The following SCNN1B variants were observed in gnomAD, a reference collection of about 807,000 sequenced individuals.
SCNN1B encodes the protein sodium channel epithelial 1 subunit beta, also known as epithelial sodium channel subunit beta.
A neutral mutation model predicts 65.3 loss-of-function variants in SCNN1B; 46 were observed. That is an observed-to-expected ratio of 0.70 (90% CI 0.56 to 0.90). SCNN1B has a LOEUF of 0.90. Among genes scored for constraint, SCNN1B ranks in the 40% least tolerant of loss-of-function variants. The pLI is 0.00. For missense variants in SCNN1B, 751 were observed against 830.5 expected (o/e 0.90, Z 1.18); for synonymous variants, 349 against 330.6 (o/e 1.06, Z -0.60).
chr16:23,348,677 G>A lies in SCNN1B; in HGVS notation c.78G>A (p.Leu26=). The A allele has an allele frequency of 6.2e-7, 1 of 1,613,966 alleles. No homozygotes were observed. Among genetic ancestry groups the A allele is most frequent in the South Asian group, 1.1e-5 (1 of 91,058 alleles). ...CCGGCTACACGTACAAGGAGCTGCT[G>A]GTGTGGTACTGCGACAACACCAACA... ...KGPGYTYKEL[L]VWYCDNTNTH... The change falls in exon 2 of 13, where the codon CTG becomes CTA. Residue 26 remains leucine (L), a synonymous_variant. Coordinates refer to ENST00000343070, the MANE Select transcript of SCNN1B (RefSeq NM_000336.3). This position sits in a 1 kb window ranked among gnomAD's most constrained non-coding sequence, Gnocchi z 4.5.
chr16:23,316,557 T>C (rs1961471054), intron 1 of SCNN1B, among the ~76,000 whole-genome samples: 2 of 140,670 alleles, frequency 1.4e-5, no homozygotes, highest in African/African-American at 5.6e-5. Context: ...ACAACCATTA[T>C]CACCATCCTC....
intron 4 of SCNN1B, among the ~76,000 whole-genome samples, chr16:23,361,242 T>TA (rs1361033115): frequency 6.6e-6 from 1 of 152,190 alleles, no homozygotes; most frequent in East Asian, 1.9e-4. Flanking sequence ...AGAGACTTTT[T>TA]ATCGAGGAAT....
chr16:23,288,202 T>C (rs759344528), intron 2 of SCNN1B, among the ~76,000 whole-genome samples: 11 of 152,090 alleles, frequency 7.2e-5, no homozygotes, highest in Non-Finnish European at 1.2e-4. Flanking sequence ...TTTTTTTTTC[T>C]TCTTTTATTA....
chr16:23,292,783 C>A (rs1198568237), intron 2 of SCNN1B, among the ~76,000 whole-genome samples: 1 of 149,704 alleles, frequency 6.7e-6, no homozygotes, highest in Non-Finnish European at 1.5e-5. Flanking sequence ...AGATTATGGG[C>A]ATGAGCCACT....
At chr16:23,372,767 C>T (rs1012547528) in intron 7 of SCNN1B, among the ~76,000 whole-genome samples, 2 of 149,668 alleles carry the variant, frequency 1.3e-5, no homozygotes, top group African/African-American at 4.9e-5. Flanking sequence ...GCTGGGATAA[C>T]AGGCATGAGC....
chr16:23,368,034 C>A (rs1962707923), intron 5 of SCNN1B, 75 bp downstream of exon 5: 1 of 1,157,098 alleles, frequency 8.6e-7, no homozygotes, highest in Non-Finnish European at 1.3e-6. Flanking sequence ...GAAAGACCAT[C>A]AGCTGTTGCA....
At chr16:23,366,627 A>T (rs1190141347) in intron 4 of SCNN1B, among the ~76,000 whole-genome samples, 1 of 151,994 alleles carries the variant, frequency 6.6e-6, no homozygotes, top group Admixed American at 6.6e-5. Flanking sequence ...CCAGCTACTC[A>T]GGAGGCTGAG....
At chr16:23,302,983 G>A (rs1961118216) in intron 1 of SCNN1B, among the ~76,000 whole-genome samples, 1 of 152,154 alleles carries the variant, frequency 6.6e-6, no homozygotes, top group Non-Finnish European at 1.5e-5. Context: ...CAGGCAGTCC[G>A]ACCCTGGAGC....
chr16:23,359,382 C>A (rs1372715661), intron 4 of SCNN1B: 1 of 152,340 alleles, frequency 6.6e-6, no homozygotes, highest in Non-Finnish European at 1.5e-5. Context: ...CCCTCCCTAC[C>A]CACCTCTCCC....
intron 2 of SCNN1B, among the ~76,000 whole-genome samples, chr16:23,286,568 G>A (rs899202335): frequency 3.3e-5 from 5 of 152,210 alleles, no homozygotes; most frequent in African/African-American, 9.6e-5. Flanking sequence ...TGCCGATAAC[G>A]TGTAGCCAAA....
intron 1 of SCNN1B, among the ~76,000 whole-genome samples, chr16:23,330,676 G>C (rs945919930): frequency 6.6e-5 from 10 of 152,112 alleles, no homozygotes; most frequent in African/African-American, 1.9e-4. Context: ...GGGCTTAAGT[G>C]ATCCTCCCTC....
upstream of SCNN1B, among the ~76,000 whole-genome samples, chr16:23,298,916 T>G (rs1285506523): frequency 6.6e-6 from 1 of 152,160 alleles, no homozygotes; most frequent in African/African-American, 2.4e-5. Context: ...TGTATAAAGC[T>G]GGTCACAACA....
At chr16:23,291,264 T>C (rs1960920554) in intron 2 of SCNN1B, among the ~76,000 whole-genome samples, 2 of 152,080 alleles carry the variant, frequency 1.3e-5, no homozygotes, top group Non-Finnish European at 2.9e-5. Flanking sequence ...GGTTTCACCA[T>C]GTTGGTCAAG....
intron 5 of SCNN1B, among the ~76,000 whole-genome samples, chr16:23,371,020 C>T (rs1962770957): frequency 1.3e-5 from 2 of 152,194 alleles, no homozygotes; most frequent in Admixed American, 6.5e-5. Context: ...GGGCCGTGGC[C>T]ATGCTATGCC....
chr16:23,351,918 G>A (rs928098883), intron 2 of SCNN1B, among the ~76,000 whole-genome samples: 1 of 152,166 alleles, frequency 6.6e-6, no homozygotes, highest in Non-Finnish European at 1.5e-5. Flanking sequence ...ACCCACTGGA[G>A]CCCACCAAAC....
intron 1 of SCNN1B, among the ~76,000 whole-genome samples, chr16:23,315,413 A>G (rs548798555): frequency 6.6e-6 from 1 of 152,150 alleles, no homozygotes; most frequent in Admixed American, 6.5e-5. Flanking sequence ...GGCAAATAAC[A>G]TGTTTATTTA....
Position 23,303,744 on chromosome 16 carries a change from C to T in SCNN1B, c.-9+1307C>T, listed in dbSNP as rs560217053. 3.3e-3 allele frequency among the ~76,000 whole-genome samples: 487 copies of T among 146,138 alleles called. 2 individuals carry two copies. Among genetic ancestry groups the T allele is most frequent in the African/African-American group, 0.012 (456 of 37,786 alleles). ...CAGCCCAGCCTACATGGTGAAACCC[C>T]ATTTCTACAAAAAAAAAAAAAAAAA... On this transcript the variant is annotated intron_variant, in intron 1 of 12. Transcript: ENST00000343070.
At chr16:23,369,983 T>G (rs1304147098) in intron 5 of SCNN1B, among the ~76,000 whole-genome samples, 2 of 152,164 alleles carry the variant, frequency 1.3e-5, no homozygotes, top group East Asian at 3.9e-4. Flanking sequence ...CAGGCTGGAG[T>G]GCAGTGGCGC....
At chr16:23,286,545 C>T (rs2050513089) in intron 2 of SCNN1B, among the ~76,000 whole-genome samples, 1 of 152,256 alleles carries the variant, frequency 6.6e-6, no homozygotes, top group South Asian at 2.1e-4. Flanking sequence ...TAACACCACC[C>T]AGGAAGAATT....
Sources: allele counts gnomAD v4.1 joint callset (sites outside exome capture counted in the v4.1 genomes callset), GRCh38; gene constraint gnomAD v4.1.1; non-coding constraint Gnocchi (gnomAD v3.1); transcripts MANE v1.5; gene names NCBI Gene and HGNC (gene_info 2026-07-23, HGNC 2026-07-21).